The following ITSN2 variants were observed in gnomAD, a reference collection of about 807,000 sequenced individuals.
ITSN2 encodes intersectin-2.
A neutral mutation model predicts 243.7 loss-of-function variants in ITSN2; 156 were observed. The observed-to-expected ratio is 0.64, with a 90% CI of 0.56 to 0.73. The LOEUF (loss-of-function observed/expected upper bound fraction) is 0.73, where lower values mean the gene tolerates loss of function less well. Ranked by LOEUF, ITSN2 falls within the 30% of genes least tolerant of loss-of-function variation. The probability of loss-of-function intolerance (pLI) is 0.00; values close to 1 mark genes in which losing one functional copy is unlikely to be tolerated. For missense variants in ITSN2, 1,801 were observed against 1,996.1 expected (o/e 0.90, Z 1.86); for synonymous variants, 703 against 699.9 (o/e 1.00, Z -0.07).
At chr2:24,333,779 T>A (rs997942602) in intron 1 of ITSN2, among the ~76,000 whole-genome samples, 10 of 152,106 alleles carry the variant, frequency 6.6e-5, no homozygotes, top group Non-Finnish European at 1.2e-4. Context: ...CAGAAAAAAG[T>A]AGAAATGCTA....
chr2:24,260,133 T>C (rs563709933), intron 22 of ITSN2, among the ~76,000 whole-genome samples: 4 of 152,258 alleles, frequency 2.6e-5, no homozygotes, highest in Non-Finnish European at 2.9e-5. Context: ...ATTGCCCAGG[T>C]TGATCTTGAA....
intron 2 of ITSN2, chr2:24,321,737 C>A (rs1258268491): frequency 3.3e-5 from 5 of 152,086 alleles, no homozygotes; most frequent in Non-Finnish European, 7.4e-5. Flanking sequence ...TATATGACTT[C>A]AGAAAAATTA....
intron 1 of ITSN2, among the ~76,000 whole-genome samples, chr2:24,347,094 A>T (rs192935296): frequency 2.0e-5 from 3 of 151,990 alleles, no homozygotes; most frequent in African/African-American, 7.2e-5. Flanking sequence ...TGAACTCCTG[A>T]CCTTGTGATC....
chr2:24,322,810 T>G (rs908956545), intron 2 of ITSN2, among the ~76,000 whole-genome samples: 4 of 152,110 alleles, frequency 2.6e-5, no homozygotes, highest in Non-Finnish European at 4.4e-5. Context: ...AGAAAACATT[T>G]GCAAAACATA....
chr2:24,342,326 C>T (rs529598857), intron 1 of ITSN2, among the ~76,000 whole-genome samples: 3 of 151,780 alleles, frequency 2.0e-5, no homozygotes, highest in Admixed American at 6.6e-5. Context: ...GCTTTTCAAG[C>T]GGCTGGGACC....
chr2:24,248,829 A>G lies in ITSN2; in HGVS notation c.3166+8T>C, dbSNP rs747399907. On this transcript the variant is annotated splice_region_variant and intron_variant, in intron 26 of 39. Coordinates refer to ENST00000355123, the MANE Select transcript of ITSN2 (RefSeq NM_006277.3). ...TTAGTAATTTTTTAAGATCACTACT[A>G]TACGTACCAGGTTTTTTATTTGATG... 1.9e-6 allele frequency: 3 copies of G among 1,613,468 alleles called. No individual in the cohort carries two copies. Among genetic ancestry groups the G allele is most frequent in the Admixed American group, 1.7e-5 (1 of 59,992 alleles).
At chr2:24,264,453 A>C (rs1676344268) in intron 20 of ITSN2, among the ~76,000 whole-genome samples, 1 of 151,298 alleles carries the variant, frequency 6.6e-6, no homozygotes, top group South Asian at 2.1e-4. Flanking sequence ...AGAAACTGAA[A>C]AACTTTGAGT....
chr2:24,295,424 A>G (rs1680823429), intron 14 of ITSN2, among the ~76,000 whole-genome samples: 1 of 152,164 alleles, frequency 6.6e-6, no homozygotes, highest in African/African-American at 2.4e-5. Flanking sequence ...CTCCTGCCTC[A>G]GCCTCCCGAG....
chr2:24,354,371 C>T (rs1233821814), intron 1 of ITSN2, among the ~76,000 whole-genome samples: 1 of 152,098 alleles, frequency 6.6e-6, no homozygotes, highest in Non-Finnish European at 1.5e-5. Context: ...TAGATTATTC[C>T]GATGGTAAGA....
Position 24,349,855 on chromosome 2 carries a change from A to G in ITSN2, c.-34+10449T>C, listed in dbSNP as rs546358052. The stretch of plus-strand genomic sequence containing the variant: ...CCACAAAAATTTAAATGTAACATTA[A>G]TTCTACAATTGTATTAATCCAAAAA... On this transcript the variant is annotated intron_variant, in intron 1 of 39. Transcript: ENST00000355123. Among the ~76,000 whole-genome samples, 7 of 152,366 alleles carry G rather than the reference A, an allele frequency of 4.6e-5. No individual in the cohort carries two copies. The East Asian group carries it at 1.3e-3, about 29-fold the overall frequency.
rs1668691175 is a variant in ITSN2 at position 24,204,807 on chromosome 2, G to A, written c.4763-389C>T. ...GCATTTTAGTGGCACTGGACACACT[G>A]TTAGAAAGCATTCCTTTATTCAGTG... On this transcript the variant is annotated intron_variant, in intron 38 of 39. Coordinates refer to ENST00000355123, the MANE Select transcript of ITSN2 (RefSeq NM_006277.3). The surrounding 1 kb of genome is among the most constrained non-coding windows in gnomAD (Gnocchi z 5.1). 2.2e-6 allele frequency: 1 copy of A among 460,804 alleles called. No individual in the cohort carries two copies. Among genetic ancestry groups the A allele is most frequent in the African/African-American group, 2.0e-5 (1 of 50,618 alleles). 28.5% of individuals were successfully genotyped at this position (460,804 alleles called of 1,614,324 possible).
intron 18 of ITSN2, among the ~76,000 whole-genome samples, chr2:24,272,493 T>C (rs1328739459): frequency 6.6e-6 from 1 of 151,464 alleles, no homozygotes; most frequent in African/African-American, 2.4e-5. Context: ...GTACAGTGGT[T>C]CAATCACAGG....
intron 2 of ITSN2, among the ~76,000 whole-genome samples, chr2:24,324,558 TA>T (rs1684939275): frequency 6.6e-6 from 1 of 151,968 alleles, no homozygotes; most frequent in African/African-American, 2.4e-5. Context: ...GTTTATGGGG[TA>T]CAAAGATGAA....
In ITSN2 at chr2:24,251,309, C is replaced by CAAAAAAAAAATT. The variant is rs1275035112; in HGVS notation, c.3120+1035_3120+1036insAATTTTTTTTTT. 9.1e-5 allele frequency among the ~76,000 whole-genome samples: 2 copies of CAAAAAAAAAATT among 22,016 alleles called. 1 individual carries two copies. The highest frequency in any genetic ancestry group is 5.7e-4 in the African/African-American group (2 of 3,484). 14.4% of individuals were successfully genotyped at this position (22,016 alleles called of 152,430 possible). A position where few individuals can be genotyped will look rare whatever the true frequency, so the allele number is the denominator to read the frequency against. ...TGGGCAACAGAACTAAACTCCATCT[C>CAAAAAAAAAATT]AAAAAAAAAAAAAAATAAAATATAT... On this transcript the variant is annotated intron_variant, in intron 25 of 39. Transcript: ENST00000355123.
chr2:24,224,400 G>A (rs528294387), intron 29 of ITSN2, among the ~76,000 whole-genome samples: 28 of 152,144 alleles, frequency 1.8e-4, no homozygotes, highest in Non-Finnish European at 3.8e-4. Context: ...GTACCAGTGC[G>A]TTGAGCACCA....
At chr2:24,338,202 T>G (rs1470962305) in intron 1 of ITSN2, among the ~76,000 whole-genome samples, 1 of 152,232 alleles carries the variant, frequency 6.6e-6, no homozygotes, top group Non-Finnish European at 1.5e-5. Flanking sequence ...TTAGTGTTTA[T>G]AACCTCTTAT....
intron 9 of ITSN2, 87 bp downstream of exon 9, chr2:24,303,712 C>A: frequency 1.1e-6 from 1 of 891,244 alleles, no homozygotes; most frequent in Non-Finnish European, 1.9e-6. Flanking sequence ...TTTACAGAAA[C>A]AGTATCTTTC....
At chr2:24,292,204 C>CTAAA (rs1016136752) in intron 15 of ITSN2, among the ~76,000 whole-genome samples, 1 of 152,120 alleles carries the variant, frequency 6.6e-6, no homozygotes, top group Non-Finnish European at 1.5e-5. Context: ...TGGACTATGG[C>CTAAA]TAAATAAATA....
chr2:24,352,722 G>A (rs952944805), intron 1 of ITSN2, among the ~76,000 whole-genome samples: 2 of 152,164 alleles, frequency 1.3e-5, no homozygotes, highest in Admixed American at 1.3e-4. Flanking sequence ...TACTGAAGTG[G>A]TTAGTACTCA....
Sources: allele counts gnomAD v4.1 joint callset (sites outside exome capture counted in the v4.1 genomes callset), GRCh38; gene constraint gnomAD v4.1.1; non-coding constraint Gnocchi (gnomAD v3.1); transcripts MANE v1.5; gene names NCBI Gene and HGNC (gene_info 2026-07-23, HGNC 2026-07-21).